The following CHCHD3 variants were observed in gnomAD, a reference collection of about 807,000 sequenced individuals.
CHCHD3 encodes the protein MICOS complex subunit MIC19.
In CHCHD3, 20 loss-of-function variants were observed where a neutral mutation model predicts 38.2. The observed-to-expected ratio is 0.52, with a 90% confidence interval of 0.37 to 0.76. CHCHD3 has a LOEUF of 0.76. Among genes scored for constraint, CHCHD3 ranks in the 30% least tolerant of loss-of-function variants. CHCHD3 has a pLI of 0.00. For synonymous variants in CHCHD3, 82 were observed against 100.0 expected (o/e 0.82, Z 1.07); for missense variants, 245 against 279.2 (o/e 0.88, Z 0.87).
rs562146277 is a variant in CHCHD3 at position 132,791,772 on chromosome 7, C to T, written c.660+4670G>A. 2.6e-5 allele frequency among the ~76,000 whole-genome samples: 4 copies of T among 152,258 alleles called. No individual in the cohort carries two copies. In the East Asian group the frequency reaches 7.7e-4, roughly 29 times the overall value. ...GAAGCCAACCAAATACTGGAGATGT[C>T]AATGATATTTTAGAAACGAGACAAC... On this transcript the variant is annotated intron_variant, in intron 7 of 7. Transcript: ENST00000262570.
intron 7 of CHCHD3, among the ~76,000 whole-genome samples, chr7:132,795,603 A>G (rs1395642119): frequency 6.6e-6 from 1 of 152,232 alleles, no homozygotes; most frequent in Non-Finnish European, 1.5e-5. Context: ...TAACTACATC[A>G]AATTAGACTG....
rs536019152 is a variant in CHCHD3, at chr7:132,843,317, G to A, written c.454-4848C>T. 1.0e-3 allele frequency among the ~76,000 whole-genome samples: 159 copies of A among 152,148 alleles called. 1 individual carries two copies. Among genetic ancestry groups the A allele is most frequent in the South Asian group, 4.8e-3 (23 of 4,818 alleles). On this transcript the variant is annotated intron_variant, in intron 5 of 7. Coordinates refer to ENST00000262570, the MANE Select transcript of CHCHD3 (RefSeq NM_017812.4). ...CCACATCCTGAATCTCTGGGGATGG[G>A]GCCAGGAAGCTGCATTATTTACAAG...
chr7:133,082,041 A>T lies in CHCHD3; in HGVS notation c.-104T>A. The T allele has an allele frequency of 1.0e-5, 11 of 1,061,862 alleles. No individual in the cohort carries two copies. The highest frequency in any genetic ancestry group is 1.5e-5 in the Non-Finnish European group (11 of 753,638). The allele number at this position is 1,061,862 out of a possible 1,614,324, so 65.8% of individuals were successfully genotyped here. ...AAGGGCCTGGATTCTTTTCCCGCACAGCGGGAGCAAGGCCACGACCCCCAG... is the reference window on the plus strand; with the variant it reads ...AAGGGCCTGGATTCTTTTCCCGCACTGCGGGAGCAAGGCCACGACCCCCAG... On this transcript the variant is annotated 5_prime_UTR_variant, in exon 1 of 8. Transcript: ENST00000262570.
chr7:133,009,339 G>A (rs1429752800), intron 3 of CHCHD3, among the ~76,000 whole-genome samples: 2 of 149,010 alleles, frequency 1.3e-5, no homozygotes, highest in African/African-American at 5.0e-5. Context: ...ACTCCAGCCT[G>A]GGTGACAGTG....
intron 6 of CHCHD3, among the ~76,000 whole-genome samples, chr7:132,827,134 AT>A (rs1281803349): frequency 6.6e-6 from 1 of 152,242 alleles, no homozygotes; most frequent in Non-Finnish European, 1.5e-5. Context: ...GAAGCATTTT[AT>A]CTAGGACAAA....
chr7:133,001,353 T>A (rs536393719), intron 3 of CHCHD3, among the ~76,000 whole-genome samples: 1 of 152,266 alleles, frequency 6.6e-6, no homozygotes, highest in Admixed American at 6.5e-5. Flanking sequence ...CACTGCAACA[T>A]TCCAGCTGCA....
chr7:132,961,093 T>C (rs1373090220), intron 4 of CHCHD3, among the ~76,000 whole-genome samples: 1 of 152,026 alleles, frequency 6.6e-6, no homozygotes, highest in Admixed American at 6.6e-5. Flanking sequence ...AGCCTAGACA[T>C]CATAGTGAGA....
At chr7:132,975,094 G>C (rs1323503234) in intron 4 of CHCHD3, 75 bp downstream of exon 4, 2 of 1,111,448 alleles carry the variant, frequency 1.8e-6, no homozygotes, top group Non-Finnish European at 2.7e-6. Context: ...AGCTGGCACA[G>C]AGTACTTAGC....
intron 4 of CHCHD3, among the ~76,000 whole-genome samples, chr7:132,886,639 T>A (rs565221659): frequency 2.0e-5 from 3 of 151,528 alleles, no homozygotes; most frequent in African/African-American, 7.2e-5. Flanking sequence ...TGTGTATATA[T>A]ATGTGTATAT....
At chr7:132,826,943 A>T (rs1056131385) in intron 6 of CHCHD3, among the ~76,000 whole-genome samples, 1 of 152,190 alleles carries the variant, frequency 6.6e-6, no homozygotes, top group Non-Finnish European at 1.5e-5. Context: ...AAAAAGACTG[A>T]TTCTTTAAGA....
chr7:133,070,775 T>A (rs973288446), intron 1 of CHCHD3, among the ~76,000 whole-genome samples: 1 of 152,154 alleles, frequency 6.6e-6, no homozygotes, highest in Non-Finnish European at 1.5e-5. Context: ...CATAACAGAA[T>A]AAACAACCAT....
intron 6 of CHCHD3, among the ~76,000 whole-genome samples, chr7:132,834,105 G>A (rs540276230): frequency 2.0e-5 from 3 of 152,286 alleles, no homozygotes; most frequent in African/African-American, 7.2e-5. Flanking sequence ...ATAGGAGCCA[G>A]TGAAAATAAT....
intron 4 of CHCHD3, among the ~76,000 whole-genome samples, chr7:132,909,514 C>T (rs1809888151): frequency 6.6e-6 from 1 of 152,036 alleles, no homozygotes; most frequent in South Asian, 2.1e-4. Context: ...AAAACAACAA[C>T]AACAGAAAAA....
chr7:132,994,556 C>A (rs576013344), intron 3 of CHCHD3, among the ~76,000 whole-genome samples: 1 of 152,218 alleles, frequency 6.6e-6, no homozygotes, highest in South Asian at 2.1e-4. Context: ...CAGAACAACC[C>A]CTCTCCAAAG....
intron 5 of CHCHD3, chr7:132,847,246 G>A (rs368772490): frequency 3.9e-5 from 6 of 152,168 alleles, no homozygotes; most frequent in African/African-American, 1.4e-4. Context: ...AAGGAGGCTA[G>A]GAAATTGATT....
At chr7:133,065,930 T>C (rs1814655360) in intron 2 of CHCHD3, among the ~76,000 whole-genome samples, 1 of 152,200 alleles carries the variant, frequency 6.6e-6, no homozygotes. Flanking sequence ...AATCATGTAC[T>C]CAAAGAACCT....
chr7:133,055,141 A>G (rs907923058), intron 2 of CHCHD3, among the ~76,000 whole-genome samples: 4 of 151,832 alleles, frequency 2.6e-5, no homozygotes, highest in African/African-American at 9.7e-5. Context: ...CCTGGGAAAA[A>G]CAGTGAGACC....
At chr7:132,879,683 G>C (rs1265656916) in intron 5 of CHCHD3, among the ~76,000 whole-genome samples, 1 of 99,332 alleles carries the variant, frequency 1.0e-5, no homozygotes, top group Admixed American at 1.5e-4. Flanking sequence ...TCCAAACTCT[G>C]ATGAAATAAC....
chr7:132,794,393 A>G (rs1482087079), intron 7 of CHCHD3, among the ~76,000 whole-genome samples: 1 of 152,220 alleles, frequency 6.6e-6, no homozygotes, highest in Non-Finnish European at 1.5e-5. Flanking sequence ...AATGGTGAAA[A>G]TAAAACCATC....
Sources: allele counts gnomAD v4.1 joint callset (sites outside exome capture counted in the v4.1 genomes callset), GRCh38; gene constraint gnomAD v4.1.1; transcripts MANE v1.5; gene names NCBI Gene and HGNC (gene_info 2026-07-23, HGNC 2026-07-21).